The following CTNNA3 variants were observed in gnomAD, a reference collection of about 807,000 sequenced individuals.
CTNNA3 encodes the protein catenin alpha 3.
In CTNNA3, 76 loss-of-function variants were observed where a neutral mutation model predicts 95.7. That is an observed-to-expected ratio of 0.79 (90% confidence interval 0.66 to 0.96). CTNNA3 has a LOEUF of 0.96. Ranked by LOEUF, CTNNA3 falls within the 40% of genes least tolerant of loss-of-function variation. CTNNA3 has a pLI of 0.00. For missense variants in CTNNA3, 1,191 were observed against 1,089.8 expected (o/e 1.09, Z -1.31); for synonymous variants, 431 against 374.4 (o/e 1.15, Z -1.74).
intron 13 of CTNNA3, among the ~76,000 whole-genome samples, chr10:66,132,554 A>T (rs957731526): frequency 6.6e-5 from 10 of 152,160 alleles, no homozygotes; most frequent in African/African-American, 2.4e-4. Context: ...CTGGATATAT[A>T]CCCAAAGAAC....
chr10:67,532,067 A>G (rs1840345649), intron 4 of CTNNA3, among the ~76,000 whole-genome samples: 1 of 152,162 alleles, frequency 6.6e-6, no homozygotes, highest in Non-Finnish European at 1.5e-5. Context: ...CTGTAAGTCC[A>G]TTAAACCTCT....
intron 11 of CTNNA3, among the ~76,000 whole-genome samples, chr10:66,437,977 G>A (rs555190597): frequency 6.6e-6 from 1 of 152,290 alleles, no homozygotes; most frequent in South Asian, 2.1e-4. Context: ...GTCTGCTGGA[G>A]TTTGCTGGAG....
At chr10:67,159,548 A>T (rs1394613175) in intron 7 of CTNNA3, among the ~76,000 whole-genome samples, 2 of 152,226 alleles carry the variant, frequency 1.3e-5, no homozygotes, top group African/African-American at 4.8e-5. Flanking sequence ...AAATGAAATT[A>T]AAAATGTTTT....
rs1303684751 is a variant in CTNNA3, at chr10:66,288,681, T to C, written c.1733-8060A>G. On this transcript the variant is annotated intron_variant, in intron 12 of 17. Coordinates refer to ENST00000433211, the MANE Select transcript of CTNNA3 (RefSeq NM_013266.4). Reference sequence around the variant, plus strand: ...GCTCAGTTCTATCATCACAAAAAGTTCTATTGGACAGCACTATTTCAAATA... The same window carrying C: ...GCTCAGTTCTATCATCACAAAAAGTCCTATTGGACAGCACTATTTCAAATA... Among the ~76,000 whole-genome samples the C allele has an allele frequency of 2.6e-5, 4 of 152,126 alleles. No individual in the cohort carries two copies. In the East Asian group the frequency reaches 7.7e-4, roughly 29 times the overall value.
chr10:66,099,441 T>A (rs2081529927), intron 14 of CTNNA3, among the ~76,000 whole-genome samples: 1 of 152,118 alleles, frequency 6.6e-6, no homozygotes, highest in Non-Finnish European at 1.5e-5. Context: ...ATAAGGAGTA[T>A]GGAACACAGA....
chr10:66,180,043 C>A (rs2085954889), intron 13 of CTNNA3, among the ~76,000 whole-genome samples: 1 of 152,098 alleles, frequency 6.6e-6, no homozygotes, highest in African/African-American at 2.4e-5. Flanking sequence ...TAGTTCTGAA[C>A]CCTAGAGATG....
At chr10:66,821,387 A>T (rs1187470752) in intron 7 of CTNNA3, among the ~76,000 whole-genome samples, 1 of 152,110 alleles carries the variant, frequency 6.6e-6, no homozygotes, top group Non-Finnish European at 1.5e-5. Flanking sequence ...TGAGTATAAC[A>T]GTTTGGACAA....
chr10:66,488,052 T>C (rs768860337), intron 11 of CTNNA3, among the ~76,000 whole-genome samples: 2 of 152,142 alleles, frequency 1.3e-5, no homozygotes, highest in Non-Finnish European at 2.9e-5. Flanking sequence ...TGACACAAAA[T>C]TATACTTTAA....
At chr10:66,473,280 T>C (rs557893767) in intron 11 of CTNNA3, among the ~76,000 whole-genome samples, 1 of 152,016 alleles carries the variant, frequency 6.6e-6, no homozygotes, top group African/African-American at 2.4e-5. Flanking sequence ...ATGGGGGCAG[T>C]TCTCCCATGC....
intron 15 of CTNNA3, among the ~76,000 whole-genome samples, chr10:65,991,769 C>A (rs986778282): frequency 2.4e-4 from 37 of 151,986 alleles, no homozygotes; most frequent in South Asian, 2.1e-4. Flanking sequence ...TGGCTGATAA[C>A]CTTCAGTACT....
chr10:66,689,564 CAT>C (rs1847437763), intron 9 of CTNNA3, among the ~76,000 whole-genome samples: 1 of 152,072 alleles, frequency 6.6e-6, no homozygotes, highest in Non-Finnish European at 1.5e-5. Context: ...TTAATTATAT[CAT>C]ATTAAAATAT....
chr10:66,900,200 C>A (rs994274488), intron 7 of CTNNA3, among the ~76,000 whole-genome samples: 3 of 152,134 alleles, frequency 2.0e-5, no homozygotes, highest in African/African-American at 7.2e-5. Context: ...TGCTGTTCTG[C>A]AGCCTCCACT....
intron 7 of CTNNA3, among the ~76,000 whole-genome samples, chr10:66,973,566 TA>T (rs1849848460): frequency 6.6e-6 from 1 of 152,220 alleles, no homozygotes; most frequent in Non-Finnish European, 1.5e-5. Flanking sequence ...TAGCAATATA[TA>T]ATTTATTTTT....
chr10:67,675,990 G>C (rs1342459800), intron 1 of CTNNA3, among the ~76,000 whole-genome samples: 1 of 151,874 alleles, frequency 6.6e-6, no homozygotes, highest in Non-Finnish European at 1.5e-5. Flanking sequence ...CAATCATAGG[G>C]ATCAATAACC....
chr10:66,756,863 A>C (rs2132749543), intron 9 of CTNNA3, among the ~76,000 whole-genome samples: 1 of 152,236 alleles, frequency 6.6e-6, no homozygotes, highest in Admixed American at 6.5e-5. Flanking sequence ...CACCTTGTTG[A>C]GCCTTGTCTT....
intron 11 of CTNNA3, among the ~76,000 whole-genome samples, chr10:66,492,457 T>C (rs974738344): frequency 2.0e-5 from 3 of 151,982 alleles, no homozygotes; most frequent in Non-Finnish European, 4.4e-5. Flanking sequence ...CTAATTTTTT[T>C]TTTTTTTTTT....
At chr10:67,437,107 T>A (rs548694847) in intron 5 of CTNNA3, among the ~76,000 whole-genome samples, 1 of 152,134 alleles carries the variant, frequency 6.6e-6, no homozygotes. Context: ...ATAAAGAAAC[T>A]GCAGTAAATA....
At chr10:66,253,496 T>C (rs1424684354) in intron 13 of CTNNA3, among the ~76,000 whole-genome samples, 2 of 152,108 alleles carry the variant, frequency 1.3e-5, no homozygotes, top group African/African-American at 2.4e-5. Context: ...ATTATAAACT[T>C]AGATGGAAGT....
At chr10:67,107,191 T>C (rs1235428444) in intron 7 of CTNNA3, among the ~76,000 whole-genome samples, 1 of 152,202 alleles carries the variant, frequency 6.6e-6, no homozygotes, top group African/African-American at 2.4e-5. Flanking sequence ...AAATTCATGC[T>C]TCTCTGGAAG....
Sources: gnomAD v4.1 joint callset for allele counts (sites outside exome capture counted in the v4.1 genomes callset) on GRCh38, gnomAD v4.1.1 for gene constraint, MANE v1.5 for transcripts, NCBI Gene and HGNC (gene_info 2026-07-23, HGNC 2026-07-21) for gene names.